The following ECHS1 variants were observed in gnomAD, a reference collection of about 807,000 sequenced individuals.
ECHS1 encodes the protein enoyl-CoA hydratase, mitochondrial.
A neutral mutation model predicts 33.5 loss-of-function variants in ECHS1; 19 were observed. The observed-to-expected ratio is 0.57, with a 90% CI of 0.40 to 0.83. The LOEUF is 0.83. Ranked by LOEUF, ECHS1 falls within the 40% of genes least tolerant of loss-of-function variation. The pLI, the probability that ECHS1 is intolerant of heterozygous loss-of-function variation, is 0.00. For synonymous variants in ECHS1, 158 were observed against 146.6 expected, an observed-to-expected ratio of 1.08 and a Z score of -0.56; for missense variants, 365 against 381.3, an observed-to-expected ratio of 0.96 and a Z score of 0.36.
intron 7 of ECHS1, 141 bp downstream of exon 7, chr10:133,364,517 C>T: frequency 3.0e-6 from 2 of 673,410 alleles, no homozygotes; most frequent in African/African-American, 1.8e-5. Flanking sequence ...ACTGATGGAA[C>T]CAATCTGATC....
intron 1 of ECHS1, among the ~76,000 whole-genome samples, chr10:133,372,440 G>A (rs576730414): frequency 6.6e-6 from 1 of 152,342 alleles, no homozygotes; most frequent in South Asian, 2.1e-4. Context: ...AGGACCCTCT[G>A]AGGGGTGGCC....
chr10:133,363,110 G>A (rs531233523), intron 7 of ECHS1, among the ~76,000 whole-genome samples, 177 bp from the exon 8 acceptor site: 6 of 152,312 alleles, frequency 3.9e-5, no homozygotes, highest in East Asian at 3.9e-4. Context: ...GCCTGGGCGC[G>A]GGGATTTTCA....
intron 6 of ECHS1, among the ~76,000 whole-genome samples, chr10:133,365,046 C>T (rs980437096): frequency 1.3e-5 from 2 of 152,190 alleles, no homozygotes; most frequent in African/African-American, 4.8e-5. Flanking sequence ...GGGCTGCAAA[C>T]AGAGAAAAAT....
At chr10:133,372,499 G>C (rs1283491913) in intron 1 of ECHS1, among the ~76,000 whole-genome samples, 1 of 152,168 alleles carries the variant, frequency 6.6e-6, no homozygotes, top group Non-Finnish European at 1.5e-5. Flanking sequence ...TCCTGTTCTC[G>C]GGCTGGCCGG....
intron 1 of ECHS1, 101 bp from the exon 2 acceptor site, chr10:133,370,858 C>T: frequency 7.9e-7 from 1 of 1,266,154 alleles, no homozygotes; most frequent in Non-Finnish European, 1.1e-6. Flanking sequence ...AGTGTGACCC[C>T]AAGAGGCCCT....
chr10:133,368,305 C>G lies in ECHS1; in HGVS notation c.514+618G>C, dbSNP rs548557645. On this transcript the variant is annotated intron_variant, in intron 4 of 7. Coordinates refer to ENST00000368547, the MANE Select transcript of ECHS1 (RefSeq NM_004092.4). ...GCTGTTCTAGGGATCAGACCCGAAA[C>G]AAATGCACCGAGCTCACAGCTCCAG... Among the ~76,000 whole-genome samples, 3 of 152,278 alleles carry G rather than the reference C, an allele frequency of 2.0e-5. No homozygotes were observed. The South Asian group carries it at 6.2e-4, about 32-fold the overall frequency.
intron 6 of ECHS1, among the ~76,000 whole-genome samples, chr10:133,365,669 T>C (rs1418803785): frequency 2.0e-5 from 3 of 152,224 alleles, no homozygotes. Flanking sequence ...GAGACCATTT[T>C]ACATTTGGGA....
intron 6 of ECHS1, 51 bp from the exon 7 acceptor site, chr10:133,364,776 T>C: frequency 6.8e-7 from 1 of 1,471,854 alleles, no homozygotes; most frequent in Non-Finnish European, 9.5e-7. Flanking sequence ...ATGCAGAACT[T>C]TTCCTGCACG....
chr10:133,369,876 G>A (rs750267389), intron 3 of ECHS1, 28 bp downstream of exon 3: 1 of 1,611,550 alleles, frequency 6.2e-7, no homozygotes, highest in Non-Finnish European at 8.5e-7. Flanking sequence ...AACCACGAGA[G>A]GAGGAGACTC....
chr10:133,372,834 G>A (rs999372914), intron 1 of ECHS1, among the ~76,000 whole-genome samples: 3 of 142,824 alleles, frequency 2.1e-5, no homozygotes, highest in African/African-American at 8.0e-5. Flanking sequence ...GCCAGGCAGG[G>A]GCTGCGGGTC....
chr10:133,370,439 G>C, intron 2 of ECHS1, 121 bp downstream of exon 2: 1 of 1,099,722 alleles, frequency 9.1e-7, no homozygotes, highest in African/African-American at 1.6e-5. Flanking sequence ...GATATTTGAG[G>C]AAGTCCCCAG....
intron 1 of ECHS1, 127 bp from the exon 2 acceptor site, chr10:133,370,884 C>T (rs1014540826): frequency 2.2e-5 from 19 of 868,244 alleles, no homozygotes; most frequent in East Asian, 5.6e-5. Flanking sequence ...GGCTCCCTGC[C>T]GAGTCCTCAG....
chr10:133,362,740 C>G lies in ECHS1; in HGVS notation c.*128G>C. ...CGTGAGAGGTCGGGCCACGACCACG[C>G]AGCAATTGGAGAGGAACTGCACACC... On this transcript the variant is annotated 3_prime_UTR_variant, in exon 8 of 8. Transcript: ENST00000368547. 1 of 1,085,194 alleles carries G rather than the reference C, an allele frequency of 9.2e-7. No individual in the cohort carries two copies. The highest frequency in any genetic ancestry group is 1.4e-6 in the Non-Finnish European group (1 of 711,264). 67.2% of individuals were successfully genotyped at this position (1,085,194 alleles called of 1,614,324 possible). A position where few individuals can be genotyped will look rare whatever the true frequency, so the allele number is the denominator to read the frequency against.
At chr10:133,371,358 G>A (rs1443184501) in intron 1 of ECHS1, among the ~76,000 whole-genome samples, 1 of 152,192 alleles carries the variant, frequency 6.6e-6, no homozygotes, top group African/African-American at 2.4e-5. Context: ...ATATGCCTTG[G>A]TCAGCTCTTC....
intron 4 of ECHS1, 59 bp downstream of exon 4, chr10:133,368,864 C>A: frequency 6.6e-7 from 1 of 1,518,212 alleles, no homozygotes; most frequent in South Asian, 1.1e-5. Context: ...CCCTGAGACA[C>A]AGGCAGATTT....
chr10:133,365,040 T>C (rs1564803165), intron 6 of ECHS1, among the ~76,000 whole-genome samples: 1 of 152,152 alleles, frequency 6.6e-6, no homozygotes, highest in Non-Finnish European at 1.5e-5. Context: ...GCAACGGGGC[T>C]GCAAACAGAG....
intron 4 of ECHS1, among the ~76,000 whole-genome samples, chr10:133,367,483 A>G (rs567114853): frequency 6.9e-4 from 104 of 151,770 alleles, no homozygotes; most frequent in Admixed American, 1.6e-3. Flanking sequence ...GCCTTCTGTC[A>G]CACCTGCATA....
chr10:133,362,762 C>T lies in ECHS1; in HGVS notation c.*106G>A. Reference sequence around the variant, plus strand: ...ACGCAGCAATTGGAGAGGAACTGCACACCACGGACACTGCTCTTGAAAAGA... The same window carrying T: ...ACGCAGCAATTGGAGAGGAACTGCATACCACGGACACTGCTCTTGAAAAGA... On this transcript the variant is annotated 3_prime_UTR_variant, in exon 8 of 8. Transcript: ENST00000368547. 1.5e-6 allele frequency: 2 copies of T among 1,313,336 alleles called. No individual in the cohort carries two copies. The highest frequency in any genetic ancestry group is 2.2e-6 in the Non-Finnish European group (2 of 909,296). 81.4% of individuals were successfully genotyped at this position (1,313,336 alleles called of 1,614,324 possible).
chr10:133,366,322 G>C (rs1392577067), intron 5 of ECHS1, among the ~76,000 whole-genome samples: 1 of 152,244 alleles, frequency 6.6e-6, no homozygotes, highest in African/African-American at 2.4e-5. Context: ...GCTGGCCACA[G>C]CTCCGACGGC....
Sources: gnomAD v4.1 joint callset for allele counts (sites outside exome capture counted in the v4.1 genomes callset) on GRCh38, gnomAD v4.1.1 for gene constraint, MANE v1.5 for transcripts, NCBI Gene and HGNC (gene_info 2026-07-23, HGNC 2026-07-21) for gene names.